Variants in ATP8A2 observed in about 807,000 individuals in gnomAD.
ATP8A2 encodes phospholipid-transporting ATPase IB.
Under a neutral mutation model 165.6 loss-of-function variants are expected in ATP8A2, and 100 were observed. That is an observed-to-expected ratio of 0.60 (90% CI 0.51 to 0.71). The LOEUF (loss-of-function observed/expected upper bound fraction) is 0.71. ATP8A2 is among the 30% of genes least tolerant of loss of function. The pLI, the probability that ATP8A2 is intolerant of heterozygous loss-of-function variation, is 0.00. For synonymous variants in ATP8A2, 543 were observed against 548.8 expected, an observed-to-expected ratio of 0.99 and a Z score of 0.15; for missense variants, 1,227 against 1,479.5, an observed-to-expected ratio of 0.83 and a Z score of 2.80.
At chr13:25,531,978 T>A (rs772455139) in intron 4 of ATP8A2, among the ~76,000 whole-genome samples, 5 of 152,210 alleles carry the variant, frequency 3.3e-5, no homozygotes, top group Non-Finnish European at 7.3e-5. Flanking sequence ...TGGCTGTTTG[T>A]TGCTGGGTTT....
At chr13:26,017,161 G>T (rs778436755) in intron 36 of ATP8A2, among the ~76,000 whole-genome samples, 1 of 152,166 alleles carries the variant, frequency 6.6e-6, no homozygotes, top group Non-Finnish European at 1.5e-5. Context: ...CCATTCTTTG[G>T]GGTGACTGTT....
chr13:25,683,787 T>G (rs2042544534), intron 24 of ATP8A2, among the ~76,000 whole-genome samples: 1 of 152,138 alleles, frequency 6.6e-6, no homozygotes, highest in Non-Finnish European at 1.5e-5. Context: ...GTGTCTTGTT[T>G]GGACTGCACT....
chr13:25,391,282 CA>C (rs1456050646), intron 1 of ATP8A2, among the ~76,000 whole-genome samples: 1 of 152,188 alleles, frequency 6.6e-6, no homozygotes, highest in Non-Finnish European at 1.5e-5. Context: ...CTTCAACCTG[CA>C]GTAATTTCTC....
At chr13:25,970,260 G>A (rs957833670) in intron 35 of ATP8A2, among the ~76,000 whole-genome samples, 1 of 152,190 alleles carries the variant, frequency 6.6e-6, no homozygotes, top group Non-Finnish European at 1.5e-5. Context: ...CATTTTACAG[G>A]ACGACATCAC....
intron 33 of ATP8A2, among the ~76,000 whole-genome samples, chr13:25,947,368 C>T (rs1244258892): frequency 6.6e-6 from 1 of 152,118 alleles, no homozygotes; most frequent in Non-Finnish European, 1.5e-5. Flanking sequence ...GGCTGGGGAC[C>T]ATGTCCTTCC....
rs139649931 is a variant in ATP8A2, at chr13:25,750,317, G to A, written c.2385-18729G>A. ...ACCAAATAAAATAGTACACATCTGT[G>A]TGTAGTTACCAAAGCCAGGAACACG... On this transcript the variant is annotated intron_variant, in intron 25 of 36. Coordinates refer to ENST00000381655, the MANE Select transcript of ATP8A2 (RefSeq NM_016529.6). This position sits in a 1 kb window ranked among gnomAD's most constrained non-coding sequence, Gnocchi z 4.3. Among the ~76,000 whole-genome samples the A allele has an allele frequency of 3.3e-3, 506 of 152,316 alleles. 4 individuals are homozygous for A. Among genetic ancestry groups the A allele is most frequent in the African/African-American group, 0.012 (487 of 41,576 alleles).
At chr13:25,408,844 C>A (rs1302295886) in intron 1 of ATP8A2, among the ~76,000 whole-genome samples, 1 of 152,124 alleles carries the variant, frequency 6.6e-6, no homozygotes, top group African/African-American at 2.4e-5. Flanking sequence ...AGATGCAGAA[C>A]AATATTATGA....
intron 27 of ATP8A2, among the ~76,000 whole-genome samples, chr13:25,816,954 T>A (rs1951038117): frequency 6.6e-6 from 1 of 152,040 alleles, no homozygotes; most frequent in South Asian, 2.1e-4. Flanking sequence ...CTTTATTGGT[T>A]ATAAAACACA....
chr13:25,800,949 C>G (rs970157883), intron 27 of ATP8A2, among the ~76,000 whole-genome samples: 1 of 152,016 alleles, frequency 6.6e-6, no homozygotes, highest in Non-Finnish European at 1.5e-5. Flanking sequence ...CTTTCAGGGT[C>G]GAGAATTTCT....
intron 1 of ATP8A2, among the ~76,000 whole-genome samples, chr13:25,451,314 T>C (rs2035218627): frequency 6.6e-6 from 1 of 152,154 alleles, no homozygotes; most frequent in Admixed American, 6.5e-5. Flanking sequence ...TTTGTTTGAG[T>C]TCCCCTCTCA....
At chr13:25,589,572 T>C in intron 23 of ATP8A2, 63 bp from the exon 24 acceptor site, 3 of 1,279,770 alleles carry the variant, frequency 2.3e-6, no homozygotes, top group Admixed American at 1.7e-5. Context: ...ACCAAGGAGG[T>C]TGAATTTAAG....
chr13:25,813,543 A>G (rs932899106), intron 27 of ATP8A2, among the ~76,000 whole-genome samples: 5 of 98,870 alleles, frequency 5.1e-5, no homozygotes, highest in Non-Finnish European at 1.0e-4. Flanking sequence ...GATACGGTAT[A>G]TGATAGGATA....
At chr13:25,911,519 A>C (rs193025365) in intron 33 of ATP8A2, among the ~76,000 whole-genome samples, 1 of 152,332 alleles carries the variant, frequency 6.6e-6, no homozygotes, top group Admixed American at 6.5e-5. Context: ...GCTAAGAGCC[A>C]CTAAAACTTA....
At chr13:25,753,572 A>C (rs944736745) in intron 25 of ATP8A2, among the ~76,000 whole-genome samples, 15 of 152,228 alleles carry the variant, frequency 9.9e-5, no homozygotes, top group African/African-American at 3.4e-4. Context: ...TATGCTGGGA[A>C]AACAGCAAAC....
intron 24 of ATP8A2, among the ~76,000 whole-genome samples, chr13:25,591,829 G>A (rs2040089024): frequency 1.3e-5 from 2 of 152,102 alleles, no homozygotes; most frequent in African/African-American, 4.8e-5. Context: ...ATTGTGAATA[G>A]TGCTGCTATA....
intron 33 of ATP8A2, among the ~76,000 whole-genome samples, chr13:25,939,430 G>A (rs1955006462): frequency 1.3e-5 from 2 of 152,186 alleles, no homozygotes; most frequent in Admixed American, 1.3e-4. Flanking sequence ...CCAGGACGGA[G>A]GAGTCCGCAG....
At chr13:25,961,734 C>G (rs901723410) in intron 34 of ATP8A2, 71 bp downstream of exon 34, 10 of 1,144,216 alleles carry the variant, frequency 8.7e-6, no homozygotes, top group Non-Finnish European at 1.3e-5. Context: ...TCTCATGAGT[C>G]CTGCTACAGG....
At chr13:25,515,396 A>G (rs925723204) in intron 2 of ATP8A2, among the ~76,000 whole-genome samples, 3 of 152,242 alleles carry the variant, frequency 2.0e-5, no homozygotes, top group Non-Finnish European at 2.9e-5. Context: ...ATGGATTGAC[A>G]TATCTTCTGA....
intron 28 of ATP8A2, among the ~76,000 whole-genome samples, chr13:25,830,512 G>C (rs903084899): frequency 1.3e-5 from 2 of 152,154 alleles, no homozygotes; most frequent in Non-Finnish European, 2.9e-5. Flanking sequence ...TCAAGGATCT[G>C]CCAGGTGAAC....
Sources: gnomAD v4.1 joint callset for allele counts (sites outside exome capture counted in the v4.1 genomes callset) on GRCh38, gnomAD v4.1.1 for gene constraint, Gnocchi (gnomAD v3.1) non-coding constraint, MANE v1.5 for transcripts, NCBI Gene and HGNC (gene_info 2026-07-23, HGNC 2026-07-21) for gene names.